CFAP54: variants seen among roughly 807,000 people sequenced by gnomAD.
CFAP54 encodes cilia- and flagella-associated protein 54.
In CFAP54, 290 loss-of-function variants were observed where a neutral mutation model predicts 370.4. That is an observed-to-expected ratio of 0.78 (90% CI 0.71 to 0.86). The LOEUF is 0.86. Ranked by LOEUF, CFAP54 falls within the 40% of genes least tolerant of loss-of-function variation. The pLI is 0.00. For synonymous variants in CFAP54, 1,206 were observed against 1,236.5 expected (o/e 0.98, Z 0.52); for missense variants, 3,399 against 3,528.7 (o/e 0.96, Z 0.93).
rs1565970219 is a variant in CFAP54, at chr12:96,765,154, A to G, written c.8217A>G (p.Ala2739=). The change falls in exon 60 of 68, where the codon GCA becomes GCG. Residue 2739 remains alanine, a synonymous_variant. Transcript: ENST00000524981. ...GAATGCATAAAGTTAACCAAGTGGC[A>G]TTACCAAATATCCCAGAATTTGCTG... ...NTRMHKVNQV[A]LPNIPEFAAL... 1 of 1,542,958 alleles carries G rather than the reference A, an allele frequency of 6.5e-7. No homozygotes were observed. The highest frequency in any genetic ancestry group is 1.7e-5 in the Admixed American group (1 of 59,256).
intron 50 of CFAP54, among the ~76,000 whole-genome samples, chr12:96,731,166 A>G (rs1276365748): frequency 6.6e-6 from 1 of 152,256 alleles, no homozygotes; most frequent in African/African-American, 2.4e-5. Flanking sequence ...AAACTGTACT[A>G]GTAGTTACTG....
intron 51 of CFAP54, among the ~76,000 whole-genome samples, chr12:96,740,501 A>C (rs2136640013): frequency 6.6e-6 from 1 of 152,338 alleles, no homozygotes; most frequent in East Asian, 1.9e-4. Context: ...AAGCTCTCAA[A>C]TCTGACAACT....
intron 65 of CFAP54, among the ~76,000 whole-genome samples, chr12:96,824,894 T>G (rs1213523865): frequency 6.6e-6 from 1 of 152,062 alleles, no homozygotes; most frequent in African/African-American, 2.4e-5. Flanking sequence ...TACTTTTACA[T>G]GACCTGTTAA....
intron 63 of CFAP54, among the ~76,000 whole-genome samples, chr12:96,809,094 T>C (rs965048313): frequency 2.6e-5 from 4 of 152,204 alleles, no homozygotes; most frequent in African/African-American, 9.7e-5. Flanking sequence ...TAGTTCTTTA[T>C]TTGTGACTCT....
chr12:96,766,141 C>T (rs1958399960), intron 60 of CFAP54, among the ~76,000 whole-genome samples: 1 of 152,172 alleles, frequency 6.6e-6, no homozygotes, highest in Admixed American at 6.5e-5. Flanking sequence ...GCGTCTTACT[C>T]TGCTGCATTG....
In CFAP54 at chr12:96,651,801, A is replaced by C; in HGVS notation, c.5086A>C (p.Thr1696Pro). The change falls in exon 36 of 68, where the codon ACC (threonine) becomes CCC (proline). Residue 1696 changes from threonine (T) to proline (P), a missense_variant. Physicochemically the swap from Thr to Pro is conservative, Grantham distance 38. Coordinates refer to ENST00000524981, the MANE Select transcript of CFAP54 (RefSeq NM_001306084.2). Reference sequence around the variant, plus strand: ...TGACATGTTAATACAACTACAAAATACCAGTTCTATTAAGGTAAAGACACT... The same window carrying C: ...TGACATGTTAATACAACTACAAAATCCCAGTTCTATTAAGGTAAAGACACT... Reference protein sequence around the residue: ...LIDMLIQLQNTSSIKPIEDKG... With the variant: ...LIDMLIQLQNPSSIKPIEDKG... 1 of 1,586,920 alleles carries C rather than the reference A, an allele frequency of 6.3e-7. No homozygotes were observed. Among genetic ancestry groups the C allele is most frequent in the Non-Finnish European group, 8.7e-7 (1 of 1,155,776 alleles).
rs779615945 is a variant in CFAP54, at chr12:96,834,720, C to A, written c.9171+5632C>A. ...GCCTGGGGTCCCAGAAGGGCCACAG[C>A]TCTTCTCTCCTTCTTTTCTCCTGCA... On this transcript the variant is annotated intron_variant, in intron 66 of 67. Transcript: ENST00000524981. Among the ~76,000 whole-genome samples, 76 of 152,178 alleles carry A rather than the reference C, an allele frequency of 5.0e-4. 1 individual carries two copies. The highest frequency in any genetic ancestry group is 8.7e-4 in the Non-Finnish European group (59 of 68,038).
intron 66 of CFAP54, among the ~76,000 whole-genome samples, chr12:96,840,616 C>CTCTTTTTTTTTTTTTTTTTTTT (rs754313435): frequency 1.1e-5 from 1 of 93,372 alleles, no homozygotes; most frequent in African/African-American, 4.4e-5. Context: ...TTTCTTTTCT[C>CTCTTTTTTTTTTTTTTTTTTTT]TGTTTCTTTC....
At chr12:96,872,580 A>C (rs568424027) in intron 67 of CFAP54, among the ~76,000 whole-genome samples, 1 of 152,382 alleles carries the variant, frequency 6.6e-6, no homozygotes, top group East Asian at 1.9e-4. Context: ...TGATGAAAGC[A>C]TCATTTCATT....
intron 14 of CFAP54, among the ~76,000 whole-genome samples, chr12:96,547,364 T>G (rs1955651112): frequency 6.6e-6 from 1 of 152,056 alleles, no homozygotes; most frequent in African/African-American, 2.4e-5. Flanking sequence ...TTTTTGTATT[T>G]TTAGTAGAGG....
intron 63 of CFAP54, among the ~76,000 whole-genome samples, chr12:96,794,984 C>A (rs1958745023): frequency 6.6e-6 from 1 of 152,154 alleles, no homozygotes. Context: ...TTCCTGAGAA[C>A]TGAACTGCAG....
At chr12:96,592,198 T>A (rs190329212) in intron 23 of CFAP54, among the ~76,000 whole-genome samples, 1 of 152,148 alleles carries the variant, frequency 6.6e-6, no homozygotes, top group Admixed American at 6.5e-5. Context: ...AATTGGACAG[T>A]GACATCTAGA....
rs1461271065 is a variant in CFAP54 at position 96,592,486 on chromosome 12, G to A, written c.3213-4G>A. ...TTATACCTGCCATTTACTTCATATT[G>A]CAGATTACATTCAGATATTTTGGCA... On this transcript the variant is annotated splice_region_variant and splice_polypyrimidine_tract_variant and intron_variant, in intron 23 of 67. Coordinates refer to ENST00000524981, the MANE Select transcript of CFAP54 (RefSeq NM_001306084.2). The A allele has an allele frequency of 1.8e-6, 1 of 555,424 alleles. No individual in the cohort carries two copies. The highest frequency in any genetic ancestry group is 3.1e-6 in the Non-Finnish European group (1 of 326,016). 34.4% of individuals were successfully genotyped at this position (555,424 alleles called of 1,614,324 possible).
intron 66 of CFAP54, among the ~76,000 whole-genome samples, chr12:96,853,975 A>C (rs749068629): frequency 2.0e-5 from 3 of 151,888 alleles, no homozygotes; most frequent in Admixed American, 1.3e-4. Flanking sequence ...GATAACCCTA[A>C]TGTTAAGTAA....
intron 67 of CFAP54, among the ~76,000 whole-genome samples, chr12:96,870,524 G>A (rs1349198101): frequency 6.6e-6 from 1 of 152,116 alleles, no homozygotes; most frequent in Non-Finnish European, 1.5e-5. Context: ...TGTAAATTTA[G>A]GATACATAAA....
chr12:96,731,708 T>C (rs938449764), intron 50 of CFAP54, among the ~76,000 whole-genome samples: 3 of 152,170 alleles, frequency 2.0e-5, no homozygotes, highest in African/African-American at 7.2e-5. Flanking sequence ...TATAATAAAA[T>C]GCTTCAATAT....
chr12:96,800,108 A>G (rs887303178), intron 63 of CFAP54, among the ~76,000 whole-genome samples: 1 of 152,194 alleles, frequency 6.6e-6, no homozygotes, highest in Non-Finnish European at 1.5e-5. Context: ...GAAAGCATAA[A>G]GTTTATTTCA....
chr12:96,758,359 C>T (rs1027113801), intron 58 of CFAP54, among the ~76,000 whole-genome samples: 4 of 152,024 alleles, frequency 2.6e-5, no homozygotes, highest in Non-Finnish European at 4.4e-5. Context: ...TGGTGGAAGG[C>T]GAAAGTCACA....
intron 19 of CFAP54, among the ~76,000 whole-genome samples, chr12:96,576,169 A>G (rs950530978): frequency 6.6e-6 from 1 of 152,024 alleles, no homozygotes; most frequent in Non-Finnish European, 1.5e-5. Flanking sequence ...ACATATACCA[A>G]TATTCTTATT....
Sources: allele counts gnomAD v4.1 joint callset (sites outside exome capture counted in the v4.1 genomes callset), GRCh38; gene constraint gnomAD v4.1.1; transcripts MANE v1.5; gene names NCBI Gene and HGNC (gene_info 2026-07-23, HGNC 2026-07-21).